VPS50: variants seen among roughly 807,000 people sequenced by gnomAD.
The protein encoded by VPS50 is syndetin.
VPS50 carries 70 observed loss-of-function variants against 139.7 expected under a neutral mutation model. That is an observed-to-expected ratio of 0.50 (90% CI 0.41 to 0.61). VPS50 has a LOEUF of 0.61. Ranked by LOEUF, VPS50 falls within the 20% of genes least tolerant of loss-of-function variation. The pLI, the probability that VPS50 is intolerant of heterozygous loss-of-function variation, is 0.00. For synonymous variants in VPS50, 365 were observed against 376.7 expected (o/e 0.97, Z 0.36); for missense variants, 921 against 1,133.7 (o/e 0.81, Z 2.69).
At chr7:93,311,902 T>C (rs1351938687) in intron 20 of VPS50, among the ~76,000 whole-genome samples, 1 of 152,102 alleles carries the variant, frequency 6.6e-6, no homozygotes, top group Non-Finnish European at 1.5e-5. Flanking sequence ...GTCTATGTAT[T>C]TGACAAATAA....
rs546404227 is a variant in VPS50 at position 93,295,886 on chromosome 7, A to G, written c.1168-856A>G. Among the ~76,000 whole-genome samples the G allele has an allele frequency of 7.9e-5, 12 of 151,854 alleles. No homozygotes were observed. In the South Asian group the frequency reaches 2.5e-3, roughly 32 times the overall value. ...ACCACAGATGTGCACCACCATGCCT[A>G]ATTTTCTTAAATTATTATTGGTGGA... On this transcript the variant is annotated intron_variant, in intron 14 of 27. Transcript: ENST00000305866.
At chr7:93,294,353 C>T (rs551869056) in intron 13 of VPS50, among the ~76,000 whole-genome samples, 192 bp from the exon 14 acceptor site, 16 of 152,154 alleles carry the variant, frequency 1.1e-4, no homozygotes, top group African/African-American at 3.6e-4. Flanking sequence ...TCATAGTCTA[C>T]GTTTATTTGT....
At chr7:93,275,279 TGAAA>T (rs1447469701) in intron 11 of VPS50, among the ~76,000 whole-genome samples, 1 of 152,192 alleles carries the variant, frequency 6.6e-6, no homozygotes, top group Non-Finnish European at 1.5e-5. Context: ...ACTGTAGTTT[TGAAA>T]GAAGTTCTAC....
rs115725590 is a variant in VPS50 at position 93,245,679 on chromosome 7, C to A, written c.102+5745C>A. 4.8e-3 allele frequency among the ~76,000 whole-genome samples: 732 copies of A among 151,848 alleles called. 6 individuals carry two copies. Among genetic ancestry groups the A allele is most frequent in the African/African-American group, 0.015 (619 of 41,480 alleles). On this transcript the variant is annotated intron_variant, in intron 2 of 27. Transcript: ENST00000305866. The stretch of plus-strand genomic sequence containing the variant: ...GTTCTATAAATCATTTTGCCCAAAA[C>A]CTCTTTTTAAATTGTAACTTCAACA...
intron 25 of VPS50, among the ~76,000 whole-genome samples, chr7:93,350,912 C>T (rs1044582937): frequency 5.3e-5 from 8 of 152,016 alleles, no homozygotes; most frequent in African/African-American, 1.7e-4. Flanking sequence ...GAAAATTGTC[C>T]CTTCTTAACC....
intron 16 of VPS50, 32 bp downstream of exon 16, chr7:93,297,275 A>T: frequency 6.7e-7 from 1 of 1,494,714 alleles, no homozygotes; most frequent in Non-Finnish European, 8.8e-7. Context: ...GAATCGACTT[A>T]TTTAGGTAAT....
At chr7:93,243,474 A>G (rs541427690) in intron 2 of VPS50, among the ~76,000 whole-genome samples, 1 of 152,096 alleles carries the variant, frequency 6.6e-6, no homozygotes, top group East Asian at 1.9e-4. Context: ...AGCAACAGGA[A>G]ATAGAGGAAC....
At chr7:93,265,434 C>A (rs1795812300) in intron 9 of VPS50, among the ~76,000 whole-genome samples, 1 of 152,190 alleles carries the variant, frequency 6.6e-6, no homozygotes, top group Non-Finnish European at 1.5e-5. Flanking sequence ...TTTAGAAACA[C>A]AGACTGCCAG....
At chr7:93,321,380 T>A (rs1797609292) in intron 20 of VPS50, among the ~76,000 whole-genome samples, 1 of 152,198 alleles carries the variant, frequency 6.6e-6, no homozygotes, top group Non-Finnish European at 1.5e-5. Flanking sequence ...ATAAGCCTCC[T>A]CAAGCCTCCA....
intron 9 of VPS50, among the ~76,000 whole-genome samples, chr7:93,269,786 A>T (rs2116876495): frequency 6.6e-6 from 1 of 152,212 alleles, no homozygotes; most frequent in Admixed American, 6.6e-5. Flanking sequence ...TAATGCAAAC[A>T]AAAGTGATTT....
intron 12 of VPS50, among the ~76,000 whole-genome samples, chr7:93,281,104 T>C (rs1796314138): frequency 6.6e-6 from 1 of 152,160 alleles, no homozygotes; most frequent in South Asian, 2.1e-4. Flanking sequence ...TTAGGTTAAG[T>C]GAGAGGGAAA....
chr7:93,239,761 A>T (rs1011583647), intron 1 of VPS50, 105 bp from the exon 2 acceptor site: 4 of 637,340 alleles, frequency 6.3e-6, no homozygotes, highest in African/African-American at 5.5e-5. Context: ...GAAGCAGGAA[A>T]ATTTCTATTT....
chr7:93,325,910 C>G (rs564210804), intron 21 of VPS50, among the ~76,000 whole-genome samples: 22 of 151,178 alleles, frequency 1.5e-4, no homozygotes, highest in African/African-American at 5.3e-4. Flanking sequence ...GGATCTAGAA[C>G]TAGAAATACC....
At chr7:93,339,013 G>C (rs779433189) in intron 22 of VPS50, among the ~76,000 whole-genome samples, 9 of 152,130 alleles carry the variant, frequency 5.9e-5, no homozygotes, top group Non-Finnish European at 1.3e-4. Context: ...GGAAGAAGGG[G>C]AGTCATGAAT....
chr7:93,237,534 C>T (rs1307889339), intron 1 of VPS50, among the ~76,000 whole-genome samples: 2 of 152,074 alleles, frequency 1.3e-5, no homozygotes, highest in African/African-American at 2.4e-5. Flanking sequence ...GTATATATCA[C>T]GTTTACATTT....
chr7:93,255,958 G>A (rs899686899), intron 4 of VPS50, among the ~76,000 whole-genome samples: 1 of 152,098 alleles, frequency 6.6e-6, no homozygotes, highest in Non-Finnish European at 1.5e-5. Context: ...CTTCTAACTT[G>A]CATACGTTAA....
At chr7:93,285,603 A>C (rs1796460543) in intron 12 of VPS50, among the ~76,000 whole-genome samples, 1 of 152,192 alleles carries the variant, frequency 6.6e-6, no homozygotes, top group Non-Finnish European at 1.5e-5. Flanking sequence ...AATGGCCTCA[A>C]CTTATATTTT....
At chr7:93,258,666 T>A (rs959280982) in intron 8 of VPS50, among the ~76,000 whole-genome samples, 1 of 152,056 alleles carries the variant, frequency 6.6e-6, no homozygotes, top group African/African-American at 2.4e-5. Flanking sequence ...CAAATAGCAA[T>A]AAAAATTAAC....
chr7:93,245,222 G>A (rs959582720), intron 2 of VPS50, among the ~76,000 whole-genome samples: 1 of 151,762 alleles, frequency 6.6e-6, no homozygotes, highest in African/African-American at 2.4e-5. Context: ...TTGTTGAGTA[G>A]AGGTTGGGGA....
Sources: gnomAD v4.1 joint callset for allele counts (sites outside exome capture counted in the v4.1 genomes callset) on GRCh38, gnomAD v4.1.1 for gene constraint, MANE v1.5 for transcripts, NCBI Gene and HGNC (gene_info 2026-07-23, HGNC 2026-07-21) for gene names.